The following TRAPPC9 variants were observed in gnomAD, a reference collection of about 807,000 sequenced individuals.
TRAPPC9 encodes the protein IKK2 binding protein.
Under a neutral mutation model 124.0 loss-of-function variants are expected in TRAPPC9, and 83 were observed. The observed-to-expected ratio is 0.67, with a 90% CI of 0.56 to 0.80. The LOEUF is 0.80. TRAPPC9 is among the 30% of genes least tolerant of loss of function. TRAPPC9 has a pLI of 0.00. For missense variants in TRAPPC9, 1,302 were observed against 1,508.3 expected (o/e 0.86, Z 2.27); for synonymous variants, 638 against 617.5 (o/e 1.03, Z -0.49).
chr8:140,260,118 T>C (rs1169213239), intron 15 of TRAPPC9, among the ~76,000 whole-genome samples: 3 of 152,138 alleles, frequency 2.0e-5, no homozygotes, highest in Non-Finnish European at 2.9e-5. Flanking sequence ...TAAACAAACA[T>C]ATACACGCTC....
At chr8:140,209,849 G>C (rs1426058971) in intron 17 of TRAPPC9, among the ~76,000 whole-genome samples, 1 of 152,162 alleles carries the variant, frequency 6.6e-6, no homozygotes, top group Non-Finnish European at 1.5e-5. Context: ...ATAATAAGTT[G>C]GGAAACTTAG....
chr8:139,955,302 G>A (rs939348787), intron 19 of TRAPPC9, among the ~76,000 whole-genome samples: 5 of 152,038 alleles, frequency 3.3e-5, no homozygotes, highest in Non-Finnish European at 7.4e-5. Flanking sequence ...GGGTTCTTGA[G>A]GTTCAGTTCA....
At position 140,252,976 on chromosome 8, in the gene TRAPPC9, G is replaced by A. The variant is rs778347695; in HGVS notation, c.2279-47C>T. 1.9e-6 allele frequency: 3 copies of A among 1,591,360 alleles called. No individual in the cohort carries two copies. Among genetic ancestry groups the A allele is most frequent in the South Asian group, 1.1e-5 (1 of 90,596 alleles). ...TGATGAGGATGCTGTAACTGAGGCA[G>A]TATGGGACTTACCAATCCCCTAGAA... On this transcript the variant is annotated intron_variant, in intron 15 of 22. Transcript: ENST00000438773. The surrounding 1 kb of genome is among the most constrained non-coding windows in gnomAD (Gnocchi z 4.2).
intron 17 of TRAPPC9, among the ~76,000 whole-genome samples, chr8:140,219,634 T>A (rs1485920630): frequency 6.6e-6 from 1 of 151,994 alleles, no homozygotes; most frequent in African/African-American, 2.4e-5. Context: ...GGTTTAAGGG[T>A]CTCCTCCCAC....
chr8:139,980,105 G>A (rs548684306), intron 19 of TRAPPC9, among the ~76,000 whole-genome samples: 1 of 152,064 alleles, frequency 6.6e-6, no homozygotes, highest in South Asian at 2.1e-4. Flanking sequence ...CTTCTCAAAT[G>A]GCTGTGGCAG....
At position 139,825,362 on chromosome 8, in the gene TRAPPC9, A is replaced by T. The variant is rs953601944; in HGVS notation, c.3055+60517T>A. ...AGGTCCTGGTGCAGGCGGCACTGGC[A>T]TCCTGTGAGGATGAAGGCCTGTCCA... is the stretch of plus-strand genomic sequence containing the variant. On this transcript the variant is annotated intron_variant, in intron 21 of 22. Coordinates refer to ENST00000438773, the MANE Select transcript of TRAPPC9 (RefSeq NM_001160372.4). This position sits in a 1 kb window ranked among gnomAD's most constrained non-coding sequence, Gnocchi z 4.6. Among the ~76,000 whole-genome samples the T allele has an allele frequency of 6.6e-6, 1 of 152,218 alleles. No homozygotes were observed. The highest frequency in any genetic ancestry group is 1.5e-5 in the Non-Finnish European group (1 of 68,038).
intron 2 of TRAPPC9, among the ~76,000 whole-genome samples, chr8:140,448,577 G>C (rs1384176180): frequency 6.6e-6 from 1 of 152,234 alleles, no homozygotes; most frequent in Non-Finnish European, 1.5e-5. Flanking sequence ...AGGAAGGCAT[G>C]AGTCAAGGGG....
intron 21 of TRAPPC9, among the ~76,000 whole-genome samples, chr8:139,848,296 A>G (rs1372108538): frequency 6.6e-6 from 1 of 152,252 alleles, no homozygotes; most frequent in Non-Finnish European, 1.5e-5. Context: ...CAGATAAAAT[A>G]CTATTAACTG....
chr8:140,282,426 C>A (rs1388522260), intron 14 of TRAPPC9, among the ~76,000 whole-genome samples: 2 of 151,886 alleles, frequency 1.3e-5, no homozygotes, highest in East Asian at 3.9e-4. Flanking sequence ...TTGCTTGAAC[C>A]CGGGAGGTGA....
intron 17 of TRAPPC9, among the ~76,000 whole-genome samples, chr8:140,193,019 G>A (rs1247020567): frequency 1.3e-5 from 2 of 152,138 alleles, no homozygotes; most frequent in East Asian, 1.9e-4. Context: ...TGATCCGCCC[G>A]CCTCGGCCTC....
chr8:140,389,526 A>G (rs1240118095), intron 7 of TRAPPC9, among the ~76,000 whole-genome samples: 3 of 152,188 alleles, frequency 2.0e-5, no homozygotes, highest in Non-Finnish European at 2.9e-5. Flanking sequence ...AGCTGACTCC[A>G]CTTCATGCAT....
chr8:140,041,093 TGCAATAGCAGAAGAGAAAAACAA>T (rs1191722568), intron 17 of TRAPPC9: 1 of 152,106 alleles, frequency 6.6e-6, no homozygotes, highest in Non-Finnish European at 1.5e-5. Flanking sequence ...CAACATCTCT[TGCAATAGCAGAAGAGAAAAACAA>T]GCCCTCAGCT....
intron 18 of TRAPPC9, among the ~76,000 whole-genome samples, chr8:140,016,355 T>G (rs572797235): frequency 4.0e-4 from 61 of 152,276 alleles, no homozygotes; most frequent in Non-Finnish European, 7.6e-4. Context: ...ACTGAGGACT[T>G]TGCTAGGGTG....
intron 19 of TRAPPC9, among the ~76,000 whole-genome samples, chr8:139,928,613 G>C (rs557882919): frequency 2.0e-5 from 3 of 151,746 alleles, no homozygotes; most frequent in Admixed American, 1.3e-4. Context: ...AGCATCGACC[G>C]ACCTCAGAGC....
chr8:139,892,766 G>T (rs577618410), intron 20 of TRAPPC9, among the ~76,000 whole-genome samples: 10 of 152,242 alleles, frequency 6.6e-5, no homozygotes, highest in African/African-American at 2.4e-4. Context: ...CTATAGAAGC[G>T]CATCGAGGCA....
chr8:139,971,141 G>A (rs978181609), intron 19 of TRAPPC9, among the ~76,000 whole-genome samples: 10 of 151,618 alleles, frequency 6.6e-5, no homozygotes, highest in Admixed American at 1.3e-4. Flanking sequence ...CCCGCCAGTC[G>A]TCACTCACCC....
At chr8:140,380,941 A>C (rs2068588652) in intron 7 of TRAPPC9, among the ~76,000 whole-genome samples, 1 of 152,110 alleles carries the variant, frequency 6.6e-6, no homozygotes, top group Non-Finnish European at 1.5e-5. Flanking sequence ...ATGGTGGTTC[A>C]TGCCTGTAAT....
At chr8:139,780,411 G>A (rs576017867) in intron 21 of TRAPPC9, among the ~76,000 whole-genome samples, 1 of 152,204 alleles carries the variant, frequency 6.6e-6, no homozygotes, top group East Asian at 1.9e-4. Context: ...AAGGAAGAAA[G>A]GCACTAAAAC....
At chr8:140,280,809 C>A (rs1353614817) in intron 14 of TRAPPC9, among the ~76,000 whole-genome samples, 1 of 152,208 alleles carries the variant, frequency 6.6e-6, no homozygotes, top group African/African-American at 2.4e-5. Context: ...TTAGTCCCCA[C>A]ACCACTGGCA....
Sources: allele counts gnomAD v4.1 joint callset (sites outside exome capture counted in the v4.1 genomes callset), GRCh38; gene constraint gnomAD v4.1.1; non-coding constraint Gnocchi (gnomAD v3.1); transcripts MANE v1.5; gene names NCBI Gene and HGNC (gene_info 2026-07-23, HGNC 2026-07-21).